MEGF9: variants seen among roughly 807,000 people sequenced by gnomAD.
The protein encoded by MEGF9 is multiple EGF like domains 9, also known as multiple epidermal growth factor-like domains protein 9.
In MEGF9, 6 loss-of-function variants were observed where a neutral mutation model predicts 46.8. That is an observed-to-expected ratio of 0.13 (90% CI 0.07 to 0.25). MEGF9 has a LOEUF of 0.25. MEGF9 is among the 10% of genes least tolerant of loss of function. The probability of loss-of-function intolerance (pLI) is 1.00; values close to 1 mark genes in which losing one functional copy is unlikely to be tolerated. For synonymous variants in MEGF9, 302 were observed against 330.7 expected (o/e 0.91, Z 0.94); for missense variants, 683 against 792.4 (o/e 0.86, Z 1.66).
At chr9:120,618,854 C>A (rs374351745) in intron 3 of MEGF9, among the ~76,000 whole-genome samples, 4 of 149,858 alleles carry the variant, frequency 2.7e-5, no homozygotes, top group African/African-American at 9.9e-5. Flanking sequence ...GAGCCGAGAT[C>A]GTGCCATGTA....
In MEGF9 at chr9:120,614,793, G is replaced by GA. The variant is rs923476363; in HGVS notation, c.944-2255dup. Among the ~76,000 whole-genome samples, 1,136 of 141,330 alleles carry GA rather than the reference G, an allele frequency of 8.0e-3. 13 individuals are homozygous for GA. The highest frequency in any genetic ancestry group is 0.027 in the African/African-American group (1,029 of 38,724). The allele number at this position is 141,330 out of a possible 152,430, so 92.7% of individuals were successfully genotyped here. ...CTAAGCTTTAATATAAAAAATACCT[G>GA]AAAAAAAAAAAGCTAACAGTTCCAT... On this transcript the variant is annotated intron_variant, in intron 3 of 5. Transcript: ENST00000373930.
chr9:120,672,417 A>AC (rs1265006268), intron 1 of MEGF9, among the ~76,000 whole-genome samples: 1 of 149,182 alleles, frequency 6.7e-6, no homozygotes. Context: ...ACATAGTGAG[A>AC]CCCCATCTCT....
chr9:120,639,649 C>A (rs1195184173), intron 2 of MEGF9, among the ~76,000 whole-genome samples: 1 of 151,942 alleles, frequency 6.6e-6, no homozygotes, highest in Non-Finnish European at 1.5e-5. Context: ...TAACAGAGGA[C>A]CTATCTCACA....
In MEGF9 at chr9:120,601,639, T is replaced by C. The variant is rs888105217; in HGVS notation, c.*3551A>G. 1 of 152,210 alleles carries C rather than the reference T, an allele frequency of 6.6e-6. No homozygotes were observed. The highest frequency in any genetic ancestry group is 1.9e-4 in the East Asian group (1 of 5,200). 9.4% of individuals were successfully genotyped at this position (152,210 alleles called of 1,614,324 possible). A position where few individuals can be genotyped will look rare whatever the true frequency, so the allele number is the denominator to read the frequency against. Reference sequence around the variant, plus strand: ...TTTCCTCTGTTCTCTACTCTTAAAATCTAGGTATCACTGGGAAGAGTAACG... The same window carrying C: ...TTTCCTCTGTTCTCTACTCTTAAAACCTAGGTATCACTGGGAAGAGTAACG... On this transcript the variant is annotated 3_prime_UTR_variant, in exon 6 of 6. Coordinates refer to ENST00000373930, the MANE Select transcript of MEGF9 (RefSeq NM_001080497.3).
At chr9:120,713,466 C>T (rs1334563363) in intron 1 of MEGF9, among the ~76,000 whole-genome samples, 1 of 152,142 alleles carries the variant, frequency 6.6e-6, no homozygotes, top group Non-Finnish European at 1.5e-5. Flanking sequence ...CAAAAGTTTG[C>T]GCCCATTCTG....
chr9:120,679,805 G>T (rs1221606926), intron 1 of MEGF9, among the ~76,000 whole-genome samples: 1 of 152,024 alleles, frequency 6.6e-6, no homozygotes, highest in Non-Finnish European at 1.5e-5. Flanking sequence ...GGGTGTGGTG[G>T]CAAGCACTTG....
In MEGF9 at chr9:120,709,219, C is replaced by A. The variant is rs146680829; in HGVS notation, c.601+4539G>T. Among the ~76,000 whole-genome samples the A allele has an allele frequency of 2.7e-3, 418 of 152,128 alleles. 2 individuals carry two copies. Among genetic ancestry groups the A allele is most frequent in the Non-Finnish European group, 4.5e-3 (309 of 67,978 alleles). ...AAGCGGGTAGATCAGGAGTTCGAGA[C>A]CAGCCTGGCCAACATGGTGAAACCC... On this transcript the variant is annotated intron_variant, in intron 1 of 5. Transcript: ENST00000373930.
At chr9:120,649,678 T>C (rs1045677510) in intron 2 of MEGF9, among the ~76,000 whole-genome samples, 1 of 152,220 alleles carries the variant, frequency 6.6e-6, no homozygotes, top group Non-Finnish European at 1.5e-5. Context: ...ATGTTTATTA[T>C]TAGAAGTGTT....
intron 3 of MEGF9, among the ~76,000 whole-genome samples, chr9:120,619,031 A>G (rs926381650): frequency 1.3e-5 from 2 of 151,842 alleles, no homozygotes; most frequent in African/African-American, 4.8e-5. Context: ...ACTTTCTCAT[A>G]TTGCTATATA....
chr9:120,634,256 C>T (rs2043562896), intron 2 of MEGF9, among the ~76,000 whole-genome samples: 1 of 151,954 alleles, frequency 6.6e-6, no homozygotes, highest in Non-Finnish European at 1.5e-5. Context: ...ATAATATGTG[C>T]ATATGTGGGT....
intron 1 of MEGF9, among the ~76,000 whole-genome samples, chr9:120,684,995 C>T (rs997187161): frequency 3.3e-5 from 5 of 152,148 alleles, no homozygotes; most frequent in Non-Finnish European, 7.3e-5. Flanking sequence ...CCACCACGCC[C>T]AGCTAATTTT....
rs2043405813 is a variant in MEGF9 at position 120,603,316 on chromosome 9, G to A, written c.*1874C>T. The stretch of plus-strand genomic sequence containing the variant: ...GGAAAAGTGCTTTGCAAACTACAAA[G>A]GGCTATAGAAAAACTAAATAATTTT... On this transcript the variant is annotated 3_prime_UTR_variant, in exon 6 of 6. Transcript: ENST00000373930. 1 of 152,148 alleles carries A rather than the reference G, an allele frequency of 6.6e-6. No homozygotes were observed. The highest frequency in any genetic ancestry group is 1.5e-5 in the Non-Finnish European group (1 of 68,024). 9.4% of individuals were successfully genotyped at this position (152,148 alleles called of 1,614,324 possible). A position where few individuals can be genotyped will look rare whatever the true frequency, so the allele number is the denominator to read the frequency against.
chr9:120,617,391 G>A (rs1355513578), intron 3 of MEGF9, among the ~76,000 whole-genome samples: 1 of 152,116 alleles, frequency 6.6e-6, no homozygotes, highest in Non-Finnish European at 1.5e-5. Context: ...AATGTGCTTT[G>A]TTGTAGGAAG....
intron 1 of MEGF9, among the ~76,000 whole-genome samples, chr9:120,669,526 T>C (rs980625797): frequency 7.9e-5 from 12 of 151,092 alleles, no homozygotes; most frequent in Non-Finnish European, 1.8e-4. Context: ...AAAAGAAAAC[T>C]AGTACAGCTA....
In MEGF9 at chr9:120,637,790, C is replaced by CAAAA. The variant is rs34861368; in HGVS notation, c.804-15039_804-15036dup. 3.4e-3 allele frequency among the ~76,000 whole-genome samples: 119 copies of CAAAA among 34,784 alleles called. 28 individuals are homozygous for CAAAA. Among genetic ancestry groups the CAAAA allele is most frequent in the African/African-American group, 5.6e-3 (50 of 8,964 alleles). 22.8% of individuals were successfully genotyped at this position (34,784 alleles called of 152,430 possible). ...AGGGCAACAGGGCAAGACTCTGTCT[C>CAAAA]AAAAAAAAAAAAAAAAAAAAAAAAA... On this transcript the variant is annotated intron_variant, in intron 2 of 5. Transcript: ENST00000373930.
In MEGF9 at chr9:120,628,465, G is replaced by GTCGTTTTTTTTTTTTTTTTTTTTTT. The variant is rs1306331353; in HGVS notation, c.804-5711_804-5710insAAAAAAAAAAAAAAAAAAAAAACGA. ...CCATATTCAGACAGAAATTCTTGTC[G>GTCGTTTTTTTTTTTTTTTTTTTTTT]TTGTTTTTTTTTTTTTTTTTTTTTT... On this transcript the variant is annotated intron_variant, in intron 2 of 5. Transcript: ENST00000373930. 3.8e-5 allele frequency among the ~76,000 whole-genome samples: 2 copies of GTCGTTTTTTTTTTTTTTTTTTTTTT among 52,756 alleles called. 1 individual carries two copies. The highest frequency in any genetic ancestry group is 8.0e-5 in the Non-Finnish European group (2 of 24,894). The allele number at this position is 52,756 out of a possible 152,430, so 34.6% of individuals were successfully genotyped here.
intron 3 of MEGF9, among the ~76,000 whole-genome samples, chr9:120,618,211 A>T (rs1262802898): frequency 6.6e-6 from 1 of 152,246 alleles, no homozygotes; most frequent in Non-Finnish European, 1.5e-5. Context: ...AGAAAGTTTA[A>T]ATGGCAAAGA....
chr9:120,629,388 C>A (rs548884600), intron 2 of MEGF9, among the ~76,000 whole-genome samples: 1 of 152,062 alleles, frequency 6.6e-6, no homozygotes, highest in Non-Finnish European at 1.5e-5. Flanking sequence ...GCCTGTAATC[C>A]CAGCACTTTG....
chr9:120,659,145 A>G (rs2043690306), intron 2 of MEGF9, among the ~76,000 whole-genome samples: 1 of 152,220 alleles, frequency 6.6e-6, no homozygotes, highest in African/African-American at 2.4e-5. Context: ...CCCAGAGAAA[A>G]ATTGGCGACT....
Sources: allele counts gnomAD v4.1 joint callset (sites outside exome capture counted in the v4.1 genomes callset), GRCh38; gene constraint gnomAD v4.1.1; transcripts MANE v1.5; gene names NCBI Gene and HGNC (gene_info 2026-07-23, HGNC 2026-07-21).